The following MGAT4C variants were observed in gnomAD, a reference collection of about 807,000 sequenced individuals.
The protein encoded by MGAT4C is alpha-1,3-mannosyl-glycoprotein 4-beta-N-acetylglucosaminyltransferase C.
In MGAT4C, 19 loss-of-function variants were observed where a neutral mutation model predicts 40.1. The ratio of observed to expected loss-of-function variants is 0.47; its 90% CI spans 0.33 to 0.70. The LOEUF is 0.70. Among genes scored for constraint, MGAT4C ranks in the 30% least tolerant of loss-of-function variants. The pLI, the probability that MGAT4C is intolerant of heterozygous loss-of-function variation, is 0.02. For missense variants in MGAT4C, 491 were observed against 563.2 expected, an observed-to-expected ratio of 0.87 and a Z score of 1.30; for synonymous variants, 181 against 187.1, an observed-to-expected ratio of 0.97 and a Z score of 0.27.
Position 85,980,110 on chromosome 12 carries a change from A to G in MGAT4C, c.616T>C (p.Tyr206His). The change falls in exon 5 of 5, where the codon TAT becomes CAT. Residue 206 changes from tyrosine to histidine, a missense_variant. Transcript: ENST00000611864. ...VKFRSKQNVD[Y>H]AFLLNFCANT... ...GCACAAAAATTAAGCAGAAAAGCATAATCTACATTTTGCTTGGAACGAAAT... is the reference window on the plus strand; with the variant it reads ...GCACAAAAATTAAGCAGAAAAGCATGATCTACATTTTGCTTGGAACGAAAT... The G allele has an allele frequency of 6.2e-7, 1 of 1,613,874 alleles. No individual in the cohort carries two copies. The highest frequency in any genetic ancestry group is 8.5e-7 in the Non-Finnish European group (1 of 1,179,832).
intron 3 of MGAT4C, among the ~76,000 whole-genome samples, chr12:86,347,143 C>T (rs1955053853): frequency 6.6e-6 from 1 of 152,132 alleles, no homozygotes; most frequent in Admixed American, 6.6e-5. Context: ...TGGGACTTTA[C>T]CTGTTATCGT....
intron 2 of MGAT4C, among the ~76,000 whole-genome samples, chr12:86,503,199 C>CAT (rs1174110048): frequency 1.3e-4 from 2 of 15,410 alleles, no homozygotes; most frequent in Admixed American, 6.1e-4. Flanking sequence ...GAGTTCTGCT[C>CAT]ATATATATAT....
chr12:86,640,377 C>T (rs1963344989), intron 2 of MGAT4C, among the ~76,000 whole-genome samples: 1 of 151,806 alleles, frequency 6.6e-6, no homozygotes, highest in Non-Finnish European at 1.5e-5. Flanking sequence ...AAAAGCAGAA[C>T]TCCTAATACA....
chr12:86,092,861 T>C (rs915074286), intron 1 of MGAT4C, among the ~76,000 whole-genome samples: 4 of 152,062 alleles, frequency 2.6e-5, no homozygotes, highest in Non-Finnish European at 5.9e-5. Flanking sequence ...CACCCTCTTT[T>C]TTTTATTATT....
At position 86,378,166 on chromosome 12, in the gene MGAT4C, G is replaced by A. The variant is rs181707614; in HGVS notation, c.-119-44039C>T. On this transcript the variant is annotated intron_variant, in intron 3 of 7. Coordinates refer to the MGAT4C transcript ENST00000548651. ...TTGTGAATAATGTTGCTATGAAAATGGGTGTACAAATGGCTCTTCAAGATC... is the reference window on the plus strand; with the variant it reads ...TTGTGAATAATGTTGCTATGAAAATAGGTGTACAAATGGCTCTTCAAGATC... Among the ~76,000 whole-genome samples, 209 of 152,212 alleles carry A rather than the reference G, an allele frequency of 1.4e-3. 1 individual carries two copies. Among genetic ancestry groups the A allele is most frequent in the African/African-American group, 4.7e-3 (197 of 41,548 alleles).
chr12:86,651,921 A>C (rs1963709255), intron 2 of MGAT4C, among the ~76,000 whole-genome samples: 1 of 151,886 alleles, frequency 6.6e-6, no homozygotes, highest in Non-Finnish European at 1.5e-5. Flanking sequence ...TCAAATTTAC[A>C]AGATATTGTC....
intron 2 of MGAT4C, among the ~76,000 whole-genome samples, chr12:86,536,176 C>A (rs774650522): frequency 7.2e-5 from 11 of 152,012 alleles, no homozygotes; most frequent in Non-Finnish European, 1.2e-4. Flanking sequence ...TTATTATAAC[C>A]TCATCACTGT....
At chr12:86,586,695 T>C (rs547171815) in intron 2 of MGAT4C, among the ~76,000 whole-genome samples, 190 of 146,612 alleles carry the variant, frequency 1.3e-3, no homozygotes, top group African/African-American at 4.5e-3. Flanking sequence ...ATTTCTCTGA[T>C]GGCCAGTGAT....
chr12:86,127,462 C>A (rs1880471831), intron 1 of MGAT4C, among the ~76,000 whole-genome samples: 1 of 152,126 alleles, frequency 6.6e-6, no homozygotes, highest in South Asian at 2.1e-4. Context: ...TCCACTACTG[C>A]AGACTTCATA....
chr12:86,403,297 A>C (rs1275950697), intron 3 of MGAT4C, among the ~76,000 whole-genome samples: 1 of 152,206 alleles, frequency 6.6e-6, no homozygotes, highest in East Asian at 1.9e-4. Context: ...ATATTTAGAC[A>C]ATGGTCTGTA....
chr12:86,268,664 C>CACAT (rs1555261514), intron 4 of MGAT4C, among the ~76,000 whole-genome samples: 1 of 143,806 alleles, frequency 7.0e-6, no homozygotes, highest in African/African-American at 2.5e-5. Flanking sequence ...ATATTAACTA[C>CACAT]ATATATATAT....
intron 2 of MGAT4C, among the ~76,000 whole-genome samples, chr12:86,623,060 T>C (rs1281376735): frequency 1.3e-5 from 2 of 152,198 alleles, no homozygotes; most frequent in East Asian, 1.9e-4. Flanking sequence ...ACCTGGTTCA[T>C]AGAAACAAAA....
chr12:86,642,679 A>T (rs1422203636), intron 2 of MGAT4C, among the ~76,000 whole-genome samples: 1 of 151,702 alleles, frequency 6.6e-6, no homozygotes, highest in Non-Finnish European at 1.5e-5. Flanking sequence ...TTGGACATTC[A>T]CCTGTAAGGT....
intron 2 of MGAT4C, among the ~76,000 whole-genome samples, chr12:86,625,148 G>T (rs1040141667): frequency 4.0e-5 from 6 of 151,870 alleles, no homozygotes; most frequent in African/African-American, 1.5e-4. Flanking sequence ...TTTTTAAAGG[G>T]GCTCTTCCCT....
intron 1 of MGAT4C, among the ~76,000 whole-genome samples, chr12:86,836,343 G>A (rs1201030295): frequency 1.3e-5 from 2 of 151,996 alleles, no homozygotes; most frequent in African/African-American, 2.4e-5. Context: ...CTCCCTCTGT[G>A]TGTACCAATT....
intron 3 of MGAT4C, among the ~76,000 whole-genome samples, chr12:86,388,076 T>C (rs1194209185): frequency 6.6e-6 from 1 of 152,150 alleles, no homozygotes; most frequent in East Asian, 1.9e-4. Flanking sequence ...AATATAAATA[T>C]TCAAGCCATC....
intron 2 of MGAT4C, among the ~76,000 whole-genome samples, chr12:86,707,533 T>C (rs536073141): frequency 1.0e-3 from 159 of 151,600 alleles, no homozygotes; most frequent in African/African-American, 3.1e-3. Context: ...CTTTTCTTTT[T>C]TTTTTTTTTT....
At chr12:86,325,915 T>TTCCCTATACAG (rs1257199323) in intron 4 of MGAT4C, among the ~76,000 whole-genome samples, 6 of 151,800 alleles carry the variant, frequency 4.0e-5, no homozygotes, top group African/African-American at 1.4e-4. Context: ...TGACACAGGG[T>TTCCCTATACAG]TCCCTATACA....
intron 4 of MGAT4C, among the ~76,000 whole-genome samples, chr12:86,284,562 T>C (rs1953301203): frequency 6.6e-6 from 1 of 151,978 alleles, no homozygotes; most frequent in Non-Finnish European, 1.5e-5. Context: ...TCCCTTATGT[T>C]TATTATGACT....
Sources: allele counts gnomAD v4.1 joint callset (sites outside exome capture counted in the v4.1 genomes callset), GRCh38; gene constraint gnomAD v4.1.1; transcripts MANE v1.5; gene names NCBI Gene and HGNC (gene_info 2026-07-23, HGNC 2026-07-21).